The following FGF1 variants were observed in gnomAD, a reference collection of about 807,000 sequenced individuals.
The protein encoded by FGF1 is fibroblast growth factor 1, also known as beta-endothelial cell growth factor.
FGF1 carries 9 observed loss-of-function variants against 13.4 expected under a neutral mutation model. The observed-to-expected ratio is 0.67, with a 90% CI of 0.40 to 1.17. The LOEUF (loss-of-function observed/expected upper bound fraction) is 1.17, where lower values mean the gene tolerates loss of function less well. FGF1 is among the 50% of genes most tolerant of loss of function. FGF1 has a pLI of 0.01. For missense variants in FGF1, 156 were observed against 192.7 expected (o/e 0.81, Z 1.13); for synonymous variants, 93 against 79.0 (o/e 1.18, Z -0.94).
At chr5:142,695,587 G>GAAAA (rs70991777) in intron 2 of FGF1, among the ~76,000 whole-genome samples, 1 of 115,304 alleles carries the variant, frequency 8.7e-6, no homozygotes, top group Non-Finnish European at 2.0e-5. Context: ...GTATCAAAAA[G>GAAAA]AAAAAAAAAA....
At chr5:142,645,388 T>C (rs1007450897) in intron 1 of FGF1, among the ~76,000 whole-genome samples, 1 of 152,046 alleles carries the variant, frequency 6.6e-6, no homozygotes, top group Admixed American at 6.6e-5. Flanking sequence ...GCAGGCGTGG[T>C]GGGAAGAAAT....
chr5:142,659,073 T>C (rs1768688458), intron 1 of FGF1, among the ~76,000 whole-genome samples: 1 of 152,164 alleles, frequency 6.6e-6, no homozygotes, highest in African/African-American at 2.4e-5. Context: ...GGGAAGAATG[T>C]CTGAAATGAG....
intron 2 of FGF1, 39 bp downstream of exon 2, chr5:142,613,920 G>A: frequency 6.2e-7 from 1 of 1,601,816 alleles, no homozygotes; most frequent in East Asian, 2.2e-5. Context: ...TACAGAAGAT[G>A]TCAGAAAGGG....
intron 1 of FGF1, among the ~76,000 whole-genome samples, chr5:142,681,086 C>G (rs560731219): frequency 3.3e-5 from 5 of 152,330 alleles, no homozygotes; most frequent in African/African-American, 1.2e-4. Flanking sequence ...TGACACAGCC[C>G]TGGTGCAAGG....
intron 1 of FGF1, among the ~76,000 whole-genome samples, chr5:142,623,769 GGTCTTGCTCT>G (rs1762027913): frequency 6.7e-6 from 1 of 148,220 alleles, no homozygotes; most frequent in Admixed American, 6.7e-5. Context: ...TTTGAGATAG[GGTCTTGCTCT>G]GTCACCCAGG....
intron 2 of FGF1, among the ~76,000 whole-genome samples, chr5:142,696,484 A>G (rs142548170): frequency 6.6e-6 from 1 of 151,986 alleles, no homozygotes; most frequent in Non-Finnish European, 1.5e-5. Context: ...TATGAGATTG[A>G]CCCTGAGATT....
chr5:142,593,612 CA>C lies in FGF1; in HGVS notation c.*1677del, dbSNP rs943625418. 1 of 152,188 alleles carries C rather than the reference CA, an allele frequency of 6.6e-6. No homozygotes were observed. The highest frequency in any genetic ancestry group is 2.4e-5 in the African/African-American group (1 of 41,426). The allele number at this position is 152,188 out of a possible 1,614,324, so 9.4% of individuals were successfully genotyped here. On this transcript the variant is annotated 3_prime_UTR_variant, in exon 4 of 4. Transcript: ENST00000337706. Reference sequence around the variant, plus strand: ...ACCATTGCTTAAGAGTTCCTACTTTCAAAAGAAAATTTGTAATAGCACAGTG... The same window carrying C: ...ACCATTGCTTAAGAGTTCCTACTTTCAAAGAAAATTTGTAATAGCACAGTG...
chr5:142,671,093 C>A (rs1561724057), intron 1 of FGF1, among the ~76,000 whole-genome samples: 2 of 152,206 alleles, frequency 1.3e-5, no homozygotes, highest in African/African-American at 4.8e-5. Flanking sequence ...TTCATTTAAC[C>A]ATCTATCATC....
At chr5:142,657,024 TCTC>T (rs1244028773) in intron 1 of FGF1, among the ~76,000 whole-genome samples, 4 of 152,138 alleles carry the variant, frequency 2.6e-5, no homozygotes, top group African/African-American at 9.7e-5. Flanking sequence ...TTCAAGCGAT[TCTC>T]CTGCCTCAGC....
intron 1 of FGF1, among the ~76,000 whole-genome samples, chr5:142,674,551 TG>T: frequency 6.6e-6 from 1 of 152,154 alleles, no homozygotes; most frequent in Non-Finnish European, 1.5e-5. Context: ...TTAAAGAGGC[TG>T]GGGGAGAGAT....
At chr5:142,696,642 T>C (rs193049907) in intron 2 of FGF1, among the ~76,000 whole-genome samples, 2 of 152,300 alleles carry the variant, frequency 1.3e-5, no homozygotes, top group South Asian at 2.1e-4. Flanking sequence ...AGCCAAGATA[T>C]GGAAAGACAG....
intron 1 of FGF1, among the ~76,000 whole-genome samples, chr5:142,632,465 TG>T (rs2151930087): frequency 6.6e-6 from 1 of 152,358 alleles, no homozygotes; most frequent in South Asian, 2.1e-4. Context: ...TAAGGTCTGT[TG>T]CTTTGGTGTT....
chr5:142,633,665 C>T (rs2151933385), intron 1 of FGF1, among the ~76,000 whole-genome samples: 1 of 152,312 alleles, frequency 6.6e-6, no homozygotes, highest in African/African-American at 2.4e-5. Flanking sequence ...TCACGGGGAG[C>T]AGAATGCCCA....
At chr5:142,602,694 C>G (rs1485855392) in intron 2 of FGF1, among the ~76,000 whole-genome samples, 1 of 151,912 alleles carries the variant, frequency 6.6e-6, no homozygotes, top group South Asian at 2.1e-4. Flanking sequence ...TGGTAATGTA[C>G]TGAGCACACA....
At chr5:142,615,294 T>C (rs1759996061) in intron 1 of FGF1, among the ~76,000 whole-genome samples, 1 of 152,120 alleles carries the variant, frequency 6.6e-6, no homozygotes, top group Non-Finnish European at 1.5e-5. Flanking sequence ...CTCAGCTCAC[T>C]GCAACCTTGG....
chr5:142,626,777 G>A (rs1202294989), intron 1 of FGF1: 1 of 152,296 alleles, frequency 6.6e-6, no homozygotes, highest in African/African-American at 2.4e-5. Context: ...CCCTTGTCAG[G>A]GCAGCCATTT....
chr5:142,658,388 C>G lies in FGF1; in HGVS notation c.-35+27569G>C, dbSNP rs148339319. Among the ~76,000 whole-genome samples the G allele has an allele frequency of 3.4e-3, 515 of 152,326 alleles. 4 individuals carry two copies. Among genetic ancestry groups the G allele is most frequent in the African/African-American group, 0.012 (495 of 41,564 alleles). Reference sequence around the variant, plus strand: ...ATTCACAGATCTGTTCATGCCTTGCCCCTGATCACATTTCCTGTTATTTCT... The same window carrying G: ...ATTCACAGATCTGTTCATGCCTTGCGCCTGATCACATTTCCTGTTATTTCT... On this transcript the variant is annotated intron_variant, in intron 1 of 3. Transcript: ENST00000337706.
chr5:142,623,643 C>G (rs1762006738), intron 1 of FGF1, among the ~76,000 whole-genome samples: 1 of 152,126 alleles, frequency 6.6e-6, no homozygotes, highest in Admixed American at 6.5e-5. Context: ...GCCACAGTGC[C>G]TGGCCCCTTT....
At chr5:142,631,654 G>A (rs1763388903) in intron 1 of FGF1, among the ~76,000 whole-genome samples, 1 of 152,154 alleles carries the variant, frequency 6.6e-6, no homozygotes, top group South Asian at 2.1e-4. Context: ...CACAGTAGGG[G>A]TAGCTTTATC....
Sources: gnomAD v4.1 joint callset for allele counts (sites outside exome capture counted in the v4.1 genomes callset) on GRCh38, gnomAD v4.1.1 for gene constraint, MANE v1.5 for transcripts, NCBI Gene and HGNC (gene_info 2026-07-23, HGNC 2026-07-21) for gene names.